Variants in PLCL1 observed in about 807,000 individuals in gnomAD.
The protein encoded by PLCL1 is inactive phospholipase C-like protein 1.
PLCL1 carries 41 observed loss-of-function variants against 84.4 expected under a neutral mutation model. That is an observed-to-expected ratio of 0.49 (90% CI 0.38 to 0.63). The LOEUF (loss-of-function observed/expected upper bound fraction) is 0.63, where lower values mean the gene tolerates loss of function less well. Among genes scored for constraint, PLCL1 ranks in the 30% least tolerant of loss-of-function variants. The probability of loss-of-function intolerance (pLI) is 0.00; values close to 1 mark genes in which losing one functional copy is unlikely to be tolerated. For synonymous variants in PLCL1, 490 were observed against 488.3 expected (o/e 1.00, Z -0.05); for missense variants, 1,206 against 1,367.8 (o/e 0.88, Z 1.87).
chr2:197,832,521 AC>A (rs1691089140), intron 1 of PLCL1, among the ~76,000 whole-genome samples: 1 of 152,192 alleles, frequency 6.6e-6, no homozygotes, highest in Non-Finnish European at 1.5e-5. Context: ...TAACCTACCA[AC>A]CAAAAAAAGC....
At chr2:197,825,347 C>T (rs908749509) in intron 1 of PLCL1, among the ~76,000 whole-genome samples, 1 of 152,162 alleles carries the variant, frequency 6.6e-6, no homozygotes, top group Admixed American at 6.5e-5. Flanking sequence ...TTTAAGGCTA[C>T]AAGCTCTTTC....
chr2:197,816,330 GT>G (rs780525569), intron 1 of PLCL1, among the ~76,000 whole-genome samples: 11 of 152,008 alleles, frequency 7.2e-5, no homozygotes, highest in Non-Finnish European at 1.6e-4. Context: ...TAAGATTAAG[GT>G]TATATACATT....
In PLCL1 at chr2:197,866,144, A is replaced by ATATATATATATAAAC. The variant is rs1687534211; in HGVS notation, c.240+60818_240+60832dup. ...TATAAACTATATATATATATAAACT[A>ATATATATATATAAAC]TATATATATATAAACTATATATATA... On this transcript the variant is annotated intron_variant, in intron 1 of 5. Transcript: ENST00000428675. 4.3e-5 allele frequency among the ~76,000 whole-genome samples: 2 copies of ATATATATATATAAAC among 46,778 alleles called. 1 individual carries two copies. Among genetic ancestry groups the ATATATATATATAAAC allele is most frequent in the African/African-American group, 3.4e-4 (2 of 5,820 alleles). The allele number at this position is 46,778 out of a possible 152,430, so 30.7% of individuals were successfully genotyped here. A position where few individuals can be genotyped will look rare whatever the true frequency, so the allele number is the denominator to read the frequency against.
At chr2:197,815,555 A>G (rs1225832927) in intron 1 of PLCL1, among the ~76,000 whole-genome samples, 3 of 152,182 alleles carry the variant, frequency 2.0e-5, no homozygotes, top group East Asian at 3.9e-4. Flanking sequence ...TTTAAGAAAT[A>G]CATTTCATAA....
chr2:197,812,192 C>T (rs534007935), intron 1 of PLCL1, among the ~76,000 whole-genome samples: 4 of 152,314 alleles, frequency 2.6e-5, no homozygotes, highest in African/African-American at 9.6e-5. Context: ...ATGCTTCCCA[C>T]ATTTTCTTTG....
chr2:197,834,252 T>C (rs1017012087), intron 1 of PLCL1, among the ~76,000 whole-genome samples: 5 of 152,164 alleles, frequency 3.3e-5, no homozygotes, highest in African/African-American at 1.2e-4. Context: ...GGCACAGACT[T>C]CATGACTAAA....
intron 5 of PLCL1, among the ~76,000 whole-genome samples, chr2:198,111,519 A>G (rs536540871): frequency 1.6e-4 from 25 of 151,952 alleles, no homozygotes; most frequent in Non-Finnish European, 3.4e-4. Context: ...GTAAATATAT[A>G]TAAAGCAGTA....
chr2:197,921,301 G>A (rs1022170782), intron 1 of PLCL1, among the ~76,000 whole-genome samples: 1 of 152,172 alleles, frequency 6.6e-6, no homozygotes, highest in African/African-American at 2.4e-5. Context: ...TAGCAAACCA[G>A]CATCTATCAG....
intron 1 of PLCL1, among the ~76,000 whole-genome samples, chr2:197,954,703 C>A (rs1190317547): frequency 6.6e-6 from 1 of 152,026 alleles, no homozygotes; most frequent in Non-Finnish European, 1.5e-5. Flanking sequence ...ATGAATTTCA[C>A]ACTTAAGTTC....
intron 1 of PLCL1, among the ~76,000 whole-genome samples, chr2:197,841,320 T>C (rs1419921553): frequency 1.3e-5 from 2 of 152,226 alleles, no homozygotes; most frequent in Non-Finnish European, 2.9e-5. Flanking sequence ...TCTATCATTA[T>C]AGCACCATAC....
chr2:197,837,840 T>G (rs1691221754), intron 1 of PLCL1, among the ~76,000 whole-genome samples: 1 of 152,218 alleles, frequency 6.6e-6, no homozygotes, highest in African/African-American at 2.4e-5. Flanking sequence ...ATGCATCCAG[T>G]TAGAATATTA....
chr2:197,835,237 T>C (rs1691160597), intron 1 of PLCL1, among the ~76,000 whole-genome samples: 1 of 152,142 alleles, frequency 6.6e-6, no homozygotes, highest in Non-Finnish European at 1.5e-5. Flanking sequence ...ATGGCATGTG[T>C]GTAACTATGT....
intron 1 of PLCL1, among the ~76,000 whole-genome samples, chr2:197,831,723 C>T (rs1691070764): frequency 6.6e-6 from 1 of 152,172 alleles, no homozygotes; most frequent in African/African-American, 2.4e-5. Context: ...ATACATTCTT[C>T]TCAGCACCAC....
intron 1 of PLCL1, among the ~76,000 whole-genome samples, chr2:197,819,883 C>CGTGT (rs1559014991): frequency 7.4e-6 from 1 of 134,468 alleles, no homozygotes; most frequent in African/African-American, 3.1e-5. Context: ...CACTATTATG[C>CGTGT]ATGTGTGTGT....
chr2:198,014,221 A>G (rs1198602987), intron 1 of PLCL1, among the ~76,000 whole-genome samples: 2 of 152,150 alleles, frequency 1.3e-5, no homozygotes, highest in East Asian at 3.8e-4. Flanking sequence ...TGTCTTAGGT[A>G]GAAAAGTTTG....
At chr2:198,119,770 C>A (rs184916150) in intron 5 of PLCL1, among the ~76,000 whole-genome samples, 1 of 152,084 alleles carries the variant, frequency 6.6e-6, no homozygotes, top group Admixed American at 6.6e-5. Flanking sequence ...GTCCCTATGT[C>A]TTTTTCTCAT....
intron 5 of PLCL1, among the ~76,000 whole-genome samples, chr2:198,135,547 C>T (rs188392310): frequency 3.0e-4 from 46 of 152,260 alleles, no homozygotes; most frequent in Admixed American, 3.0e-3. Context: ...TCACACAAAC[C>T]TAAATTCATA....
At chr2:198,093,455 T>C (rs1465475278) in intron 3 of PLCL1, among the ~76,000 whole-genome samples, 3 of 152,242 alleles carry the variant, frequency 2.0e-5, no homozygotes, top group Admixed American at 6.5e-5. Flanking sequence ...AAACTTCTCG[T>C]AAAAATACAG....
chr2:197,813,315 T>G (rs1690626404), intron 1 of PLCL1, among the ~76,000 whole-genome samples: 1 of 152,178 alleles, frequency 6.6e-6, no homozygotes, highest in Non-Finnish European at 1.5e-5. Flanking sequence ...GTCCTTGAAC[T>G]TGCAGTTTCT....
Sources: allele counts gnomAD v4.1 joint callset (sites outside exome capture counted in the v4.1 genomes callset), GRCh38; gene constraint gnomAD v4.1.1; transcripts MANE v1.5; gene names NCBI Gene and HGNC (gene_info 2026-07-23, HGNC 2026-07-21).